PPFIA2: variants seen among roughly 807,000 people sequenced by gnomAD.
PPFIA2 encodes liprin-alpha-2.
A neutral mutation model predicts 175.5 loss-of-function variants in PPFIA2; 46 were observed. The observed-to-expected ratio is 0.26, with a 90% CI of 0.21 to 0.34. The LOEUF (loss-of-function observed/expected upper bound fraction) is 0.34. PPFIA2 is among the 10% of genes least tolerant of loss of function. The pLI, the probability that PPFIA2 is intolerant of heterozygous loss-of-function variation, is 1.00. For synonymous variants in PPFIA2, 568 were observed against 511.4 expected (o/e 1.11, Z -1.49); for missense variants, 1,179 against 1,506.1 (o/e 0.78, Z 3.60).
At chr12:81,416,586 T>A (rs1357668548) in intron 7 of PPFIA2, among the ~76,000 whole-genome samples, 2 of 151,698 alleles carry the variant, frequency 1.3e-5, no homozygotes, top group Admixed American at 1.3e-4. Flanking sequence ...TGTCTCACAG[T>A]GAAAACAGCA....
At chr12:81,533,675 C>T (rs995838364) in intron 4 of PPFIA2, among the ~76,000 whole-genome samples, 7 of 151,044 alleles carry the variant, frequency 4.6e-5, no homozygotes, top group Admixed American at 1.3e-4. Context: ...TTGATTGTAA[C>T]GGTTTCTAAA....
chr12:81,750,644 T>C (rs938375022), intron 3 of PPFIA2, among the ~76,000 whole-genome samples: 1 of 152,152 alleles, frequency 6.6e-6, no homozygotes, highest in Admixed American at 6.6e-5. Flanking sequence ...TCAGCACTTT[T>C]TAAACGCAGA....
At chr12:81,281,201 T>A in intron 27 of PPFIA2, 56 bp downstream of exon 27, 2 of 1,331,332 alleles carry the variant, frequency 1.5e-6, no homozygotes, top group South Asian at 3.1e-5. Flanking sequence ...AAAGTATAGG[T>A]AATATATTGT....
At position 81,267,884 on chromosome 12, in the gene PPFIA2, A is replaced by T. The variant is rs747985724; in HGVS notation, c.3486+28T>A. 3 of 1,563,670 alleles carry T rather than the reference A, an allele frequency of 1.9e-6. No individual in the cohort carries two copies. The South Asian group carries it at 3.5e-5, about 18-fold the overall frequency. ...TTTATCATTATATAAACCAGAACACATTGAGACTACAGCAGAAAGTGACTT... is the reference window on the plus strand; with the variant it reads ...TTTATCATTATATAAACCAGAACACTTTGAGACTACAGCAGAAAGTGACTT... On this transcript the variant is annotated intron_variant, in intron 29 of 32. Coordinates refer to ENST00000549396, the MANE Select transcript of PPFIA2 (RefSeq NM_003625.5).
intron 9 of PPFIA2, among the ~76,000 whole-genome samples, chr12:81,382,358 G>T (rs1178780883): frequency 6.6e-6 from 1 of 152,044 alleles, no homozygotes; most frequent in Non-Finnish European, 1.5e-5. Flanking sequence ...AAGTAGAATA[G>T]GTAGTCACTG....
chr12:81,277,817 G>C (rs2040931417), intron 27 of PPFIA2, among the ~76,000 whole-genome samples: 2 of 152,134 alleles, frequency 1.3e-5, no homozygotes, highest in South Asian at 4.1e-4. Context: ...TTCTTAAGCT[G>C]ATGAGAAAAA....
At chr12:81,293,654 G>A (rs934058736) in intron 24 of PPFIA2, among the ~76,000 whole-genome samples, 5 of 151,894 alleles carry the variant, frequency 3.3e-5, no homozygotes, top group Non-Finnish European at 5.9e-5. Flanking sequence ...ATGTCGGCAA[G>A]GGCACAGAGA....
chr12:81,633,588 A>T (rs2063645134), intron 4 of PPFIA2, among the ~76,000 whole-genome samples: 1 of 152,040 alleles, frequency 6.6e-6, no homozygotes, highest in South Asian at 2.1e-4. Context: ...TGGTCCTTTA[A>T]AGTTAAAGAG....
Position 81,600,822 on chromosome 12 carries a change from A to C in PPFIA2, c.303+75969T>G, listed in dbSNP as rs183835054. 4.2e-3 allele frequency among the ~76,000 whole-genome samples: 635 copies of C among 152,088 alleles called. 3 individuals are homozygous for C. Among genetic ancestry groups the C allele is most frequent in the African/African-American group, 0.014 (598 of 41,522 alleles). The stretch of plus-strand genomic sequence containing the variant: ...CCTCAAGGTTTAAGAGCGAAGTTTT[A>C]AGAAAAAAGAATGTTTGTCAAATAG... On this transcript the variant is annotated intron_variant, in intron 4 of 32. Transcript: ENST00000549396.
At chr12:81,529,163 C>A (rs1317686784) in intron 4 of PPFIA2, among the ~76,000 whole-genome samples, 1 of 152,024 alleles carries the variant, frequency 6.6e-6, no homozygotes, top group East Asian at 1.9e-4. Flanking sequence ...ATAAAACTGA[C>A]AACCCTCAAG....
chr12:81,500,362 G>C (rs1471926301), intron 4 of PPFIA2, among the ~76,000 whole-genome samples: 2 of 152,010 alleles, frequency 1.3e-5, no homozygotes, highest in African/African-American at 2.4e-5. Flanking sequence ...AAAGTGCTTG[G>C]AACACAAAAA....
At chr12:81,606,607 A>C (rs4394906) in intron 4 of PPFIA2, among the ~76,000 whole-genome samples, 1 of 152,086 alleles carries the variant, frequency 6.6e-6, no homozygotes, top group Non-Finnish European at 1.5e-5. Flanking sequence ...TGGCCACTTG[A>C]ATGTCTTCCT....
chr12:81,753,623 T>C (rs2084195673), intron 3 of PPFIA2, among the ~76,000 whole-genome samples: 1 of 151,962 alleles, frequency 6.6e-6, no homozygotes, highest in African/African-American at 2.4e-5. Flanking sequence ...TTTCCAAATG[T>C]CAATATTGTG....
In PPFIA2 at chr12:81,299,400, G is replaced by T; in HGVS notation, c.2643-18C>A. 1 of 1,564,530 alleles carries T rather than the reference G, an allele frequency of 6.4e-7. No individual in the cohort carries two copies. ...GTTCATGCCTGAAGTATATAGCAAA[G>T]ATTATTAGGCAGGTATATGGAAAAA... On this transcript the variant is annotated intron_variant, in intron 22 of 32. Transcript: ENST00000549396.
intron 9 of PPFIA2, among the ~76,000 whole-genome samples, chr12:81,379,307 G>A (rs1484982653): frequency 3.3e-5 from 5 of 152,128 alleles, no homozygotes; most frequent in East Asian, 3.9e-4. Flanking sequence ...TGAAGTTCAT[G>A]TATAAATTGG....
At chr12:81,345,703 A>G (rs1369736529) in intron 18 of PPFIA2, among the ~76,000 whole-genome samples, 5 of 152,204 alleles carry the variant, frequency 3.3e-5, no homozygotes, top group African/African-American at 1.2e-4. Flanking sequence ...TCTGTGGTCC[A>G]GGATTCTTAC....
intron 3 of PPFIA2, among the ~76,000 whole-genome samples, chr12:81,740,455 G>A (rs1038748096): frequency 1.6e-4 from 25 of 152,148 alleles, no homozygotes; most frequent in African/African-American, 5.8e-4. Context: ...ATGCAAAGGT[G>A]TGTGATCTAC....
intron 4 of PPFIA2, among the ~76,000 whole-genome samples, chr12:81,481,181 C>T (rs1398284291): frequency 1.3e-5 from 2 of 152,126 alleles, no homozygotes; most frequent in African/African-American, 4.8e-5. Context: ...ATACAACTCA[C>T]AAGGGATGTG....
chr12:81,372,513 G>GAAAAAAAAAAAAAAAAACAAA (rs3075257), intron 11 of PPFIA2, among the ~76,000 whole-genome samples: 1 of 93,632 alleles, frequency 1.1e-5, no homozygotes, highest in African/African-American at 3.3e-5. Context: ...AATTGAAACA[G>GAAAAAAAAAAAAAAAAACAAA]AAAAAAAAAA....
Sources: allele counts gnomAD v4.1 joint callset (sites outside exome capture counted in the v4.1 genomes callset), GRCh38; gene constraint gnomAD v4.1.1; transcripts MANE v1.5; gene names NCBI Gene and HGNC (gene_info 2026-07-23, HGNC 2026-07-21).